UTP6: variants seen among roughly 807,000 people sequenced by gnomAD.
UTP6 encodes the protein UTP6 small subunit processome component.
Under a neutral mutation model 96.5 loss-of-function variants are expected in UTP6, and 60 were observed. That is an observed-to-expected ratio of 0.62 (90% CI 0.51 to 0.77). The LOEUF is 0.77. UTP6 is among the 30% of genes least tolerant of loss of function. The probability of loss-of-function intolerance (pLI) is 0.00; values close to 1 mark genes in which losing one functional copy is unlikely to be tolerated. For synonymous variants in UTP6, 215 were observed against 240.1 expected (o/e 0.90, Z 0.96); for missense variants, 637 against 706.5 (o/e 0.90, Z 1.12).
In UTP6 at chr17:31,886,098, G is replaced by C. The variant is rs1461386198; in HGVS notation, c.622-37C>G. ...TATATCAAACGTAACTTAACAGGTA[G>C]TACAAGGAGGAAAAGCACTAGGACG... On this transcript the variant is annotated intron_variant, in intron 8 of 18. Coordinates refer to ENST00000261708, the MANE Select transcript of UTP6 (RefSeq NM_018428.3). 3 of 1,572,244 alleles carry C rather than the reference G, an allele frequency of 1.9e-6. No homozygotes were observed. The East Asian group carries it at 6.7e-5, about 35-fold the overall frequency.
At chr17:31,870,407 AAGTT>A (rs1230105355) in intron 16 of UTP6, among the ~76,000 whole-genome samples, 2 of 151,876 alleles carry the variant, frequency 1.3e-5, no homozygotes, top group Admixed American at 6.6e-5. Context: ...ATTTCTCTAA[AAGTT>A]AGTCATCTTG....
chr17:31,876,784 G>A (rs1910526425), intron 13 of UTP6, among the ~76,000 whole-genome samples: 2 of 152,190 alleles, frequency 1.3e-5, no homozygotes, highest in Admixed American at 6.5e-5. Context: ...GGCCAAGGCA[G>A]GCAGATCACC....
At chr17:31,872,576 T>G (rs1910239367) in intron 16 of UTP6, among the ~76,000 whole-genome samples, 1 of 151,820 alleles carries the variant, frequency 6.6e-6, no homozygotes, top group African/African-American at 2.4e-5. Context: ...TTTGGGAGGC[T>G]GAGGTGGGCG....
At position 31,887,426 on chromosome 17, in the gene UTP6, C is replaced by T. The variant is rs553964478; in HGVS notation, c.544-113G>A. ...GTGCACTGGTGATGACAGCTCATTT[C>T]GGCCATGAATTCCTGCACTCAAGTG... On this transcript the variant is annotated intron_variant, in intron 7 of 18. Transcript: ENST00000261708. 4.2e-5 allele frequency: 33 copies of T among 786,004 alleles called. No individual in the cohort carries two copies. In the South Asian group the frequency reaches 4.3e-4, roughly 10 times the overall value. 48.7% of individuals were successfully genotyped at this position (786,004 alleles called of 1,614,324 possible). A position where few individuals can be genotyped will look rare whatever the true frequency, so the allele number is the denominator to read the frequency against.
rs1357894299 is a variant in UTP6 at position 31,897,839 on chromosome 17, T to C, written c.177+1807A>G. ...CAACATATTAGCTATTCTCCCCCAC[T>C]GGAAAATTGGTCTGACATAATTTTT... is the stretch of plus-strand genomic sequence containing the variant. On this transcript the variant is annotated intron_variant, in intron 2 of 18. Coordinates refer to ENST00000261708, the MANE Select transcript of UTP6 (RefSeq NM_018428.3). Among the ~76,000 whole-genome samples the C allele has an allele frequency of 2.6e-5, 4 of 152,168 alleles. No homozygotes were observed. The East Asian group carries it at 5.8e-4, about 22-fold the overall frequency.
chr17:31,866,913 A>AAAAC (rs58862601), intron 17 of UTP6, among the ~76,000 whole-genome samples: 1 of 147,268 alleles, frequency 6.8e-6, no homozygotes, highest in Admixed American at 6.9e-5. Flanking sequence ...AAAAAAAAAA[A>AAAAC]GTCAATTTAA....
intron 6 of UTP6, 101 bp from the exon 7 acceptor site, chr17:31,889,504 T>C: frequency 1.0e-6 from 1 of 977,354 alleles, no homozygotes. Context: ...AATTTTTTTT[T>C]TTTTTTTTTT....
chr17:31,894,781 T>G (rs368670254), intron 3 of UTP6, 44 bp from the exon 4 acceptor site: 8 of 1,535,084 alleles, frequency 5.2e-6, no homozygotes, highest in Non-Finnish European at 4.5e-6. Flanking sequence ...TTAATCATAT[T>G]TGTCCAAAAC....
chr17:31,895,154 G>A (rs1904562066), intron 2 of UTP6, 143 bp from the exon 3 acceptor site: 3 of 616,334 alleles, frequency 4.9e-6, no homozygotes, highest in Non-Finnish European at 8.0e-6. Flanking sequence ...TACAATAAAT[G>A]TCTAGAACTC....
At position 31,865,395 on chromosome 17, in the gene UTP6, GCT is replaced by G. The variant is rs1313241585; in HGVS notation, c.1605_1606del (p.Arg535SerfsTer11). The G allele has an allele frequency of 6.2e-7, 1 of 1,613,890 alleles. No individual in the cohort carries two copies. The highest frequency in any genetic ancestry group is 8.5e-7 in the Non-Finnish European group (1 of 1,179,958). On this transcript the variant is annotated frameshift_variant, in exon 18 of 19. Transcript: ENST00000261708. LOFTEE classifies it high-confidence loss of function. ...ATCTGCGGATCCAAACTCTCTCAAA[GCT>G]CTCTCATAATATTCTCTTATGTTCG...
intron 7 of UTP6, among the ~76,000 whole-genome samples, chr17:31,889,002 G>A (rs983483885): frequency 3.3e-5 from 5 of 149,872 alleles, no homozygotes; most frequent in Non-Finnish European, 7.4e-5. Context: ...AACCCAGGAG[G>A]CAGAGCTTGC....
intron 12 of UTP6, 58 bp downstream of exon 12, chr17:31,878,644 G>C (rs1462582264): frequency 1.2e-4 from 173 of 1,503,234 alleles, no homozygotes; most frequent in Non-Finnish European, 1.5e-4. Flanking sequence ...CTGTGCTTCT[G>C]TTCTTTCAGA....
At chr17:31,882,851 T>C (rs963118164) in intron 10 of UTP6, among the ~76,000 whole-genome samples, 3 of 151,916 alleles carry the variant, frequency 2.0e-5, no homozygotes, top group Admixed American at 6.6e-5. Flanking sequence ...AGTGATGCAA[T>C]AACAGCTCAC....
chr17:31,872,486 T>G (rs1910230894), intron 16 of UTP6, among the ~76,000 whole-genome samples: 1 of 151,188 alleles, frequency 6.6e-6, no homozygotes, highest in Non-Finnish European at 1.5e-5. Flanking sequence ...TGAACAATGT[T>G]GTGAGACTCA....
chr17:31,875,652 G>A (rs562110816), intron 13 of UTP6, among the ~76,000 whole-genome samples: 37 of 151,860 alleles, frequency 2.4e-4, no homozygotes, highest in Non-Finnish European at 3.5e-4. Context: ...GTGAAACCCC[G>A]TCTCTACTAA....
Position 31,878,274 on chromosome 17 carries a change from C to G in UTP6, c.1101G>C (p.Leu367=). Residue 367 remains leucine, a synonymous_variant, in exon 13 of 19, where the codon CTG becomes CTC. Coordinates refer to ENST00000261708, the MANE Select transcript of UTP6 (RefSeq NM_018428.3). ...VFRKAHELKL[L]SECQYKQLSV... ...CCAACTGCTTGTATTGGCATTCTGA[C>G]AGAAGCTTCAGTTCATGTGCCTTCC... The G allele has an allele frequency of 6.2e-7, 1 of 1,614,178 alleles. No homozygotes were observed. The highest frequency in any genetic ancestry group is 8.5e-7 in the Non-Finnish European group (1 of 1,180,032).
chr17:31,897,441 G>GTTT (rs1904718007), intron 2 of UTP6, among the ~76,000 whole-genome samples: 1 of 131,850 alleles, frequency 7.6e-6, no homozygotes, highest in African/African-American at 2.8e-5. Context: ...AAAACTTCTA[G>GTTT]TCTTTTTTTT....
chr17:31,873,177 G>A (rs577365590), intron 16 of UTP6: 324 of 459,956 alleles, frequency 7.0e-4, no homozygotes, highest in Middle Eastern at 1.8e-3. Flanking sequence ...TCACTTGAAC[G>A]CAGGAGGCGG....
chr17:31,873,708 C>T lies in UTP6; in HGVS notation c.1351G>A (p.Ala451Thr), dbSNP rs866607239. ...WISWAEWSEG[A>T]KSQEDTEAVF... ...GCCTCAGTGTCTTCTTGGCTTTTGG[C>T]ACCTTCACTCCACTCTGCCCAGGAA... is the stretch of plus-strand genomic sequence containing the variant. The change falls in exon 15 of 19, where the codon GCC (alanine) becomes ACC (threonine). Residue 451 changes from alanine to threonine, a missense_variant. Physicochemically the swap from Ala to Thr is moderately conservative, Grantham distance 58. Transcript: ENST00000261708. 5 of 1,612,772 alleles carry T rather than the reference C, an allele frequency of 3.1e-6. No homozygotes were observed. The highest frequency in any genetic ancestry group is 1.7e-5 in the Admixed American group (1 of 59,340).
Sources: gnomAD v4.1 joint callset for allele counts (sites outside exome capture counted in the v4.1 genomes callset) on GRCh38, gnomAD v4.1.1 for gene constraint, MANE v1.5 for transcripts, NCBI Gene and HGNC (gene_info 2026-07-23, HGNC 2026-07-21) for gene names.